ADGRE5: variants seen among roughly 807,000 people sequenced by gnomAD.
The protein encoded by ADGRE5 is CD97 molecule.
Under a neutral mutation model 100.3 loss-of-function variants are expected in ADGRE5, and 72 were observed. The observed-to-expected ratio is 0.72, with a 90% confidence interval of 0.59 to 0.87. ADGRE5 has a LOEUF of 0.87. Ranked by LOEUF, ADGRE5 falls within the 40% of genes least tolerant of loss-of-function variation. The pLI, the probability that ADGRE5 is intolerant of heterozygous loss-of-function variation, is 0.00. For missense variants in ADGRE5, 959 were observed against 1,094.7 expected, an observed-to-expected ratio of 0.88 and a Z score of 1.75; for synonymous variants, 439 against 447.8, an observed-to-expected ratio of 0.98 and a Z score of 0.25.
chr19:14,391,570 CA>C (rs59428437), intron 4 of ADGRE5: 349 of 143,996 alleles, frequency 2.4e-3, no homozygotes, highest in South Asian at 3.6e-3. Flanking sequence ...CAAAAAATAC[CA>C]AAAAAAAAAA....
chr19:14,407,831 C>CTGAGG, intron 18 of ADGRE5, 77 bp from the exon 19 acceptor site: 1 of 1,229,880 alleles, frequency 8.1e-7, no homozygotes, highest in East Asian at 2.4e-5. Flanking sequence ...GAAGGTGGGG[C>CTGAGG]TGAGGGCAGA....
chr19:14,386,918 G>A (rs1166107873), intron 1 of ADGRE5, among the ~76,000 whole-genome samples: 1 of 151,738 alleles, frequency 6.6e-6, no homozygotes, highest in Non-Finnish European at 1.5e-5. Flanking sequence ...TGGAGACTGA[G>A]GCAGAGGAAT....
chr19:14,385,936 A>AT (rs546042405), intron 1 of ADGRE5, among the ~76,000 whole-genome samples: 36 of 151,670 alleles, frequency 2.4e-4, no homozygotes, highest in Middle Eastern at 6.8e-3. Flanking sequence ...CGCCCAGCTA[A>AT]TTTTTTGTAT....
chr19:14,407,986 G>A lies in ADGRE5; in HGVS notation c.2455G>A (p.Gly819Ser), dbSNP rs1435532505. Residue 819 changes from glycine (G) to serine (S), a missense_variant, in exon 19 of 20, where the codon GGC becomes AGC. Physicochemically the swap from Gly to Ser is moderately conservative, Grantham distance 56. Around this residue, in one of 6 missense-constraint regions of ADGRE5, gnomAD observed 428 missense variants for 386.2 expected, o/e 1.11. Transcript: ENST00000242786. Reference sequence around the variant, plus strand: ...CTCAGAATTCACCTCCACCACGTCTGGCACTGGCCACAATCAGACCCGGGT... The same window carrying A: ...CTCAGAATTCACCTCCACCACGTCTAGCACTGGCCACAATCAGACCCGGGT... ...KYSEFTSTTS[G>S]TGHNQTRALR... 6.2e-7 allele frequency: 1 copy of A among 1,614,166 alleles called. No individual in the cohort carries two copies. The highest frequency in any genetic ancestry group is 8.5e-7 in the Non-Finnish European group (1 of 1,180,024).
intron 1 of ADGRE5, among the ~76,000 whole-genome samples, chr19:14,387,813 G>A (rs940309595): frequency 1.1e-4 from 17 of 151,884 alleles, no homozygotes; most frequent in African/African-American, 3.9e-4. Flanking sequence ...TGTGGCTCAC[G>A]CCTGTAATCC....
chr19:14,386,378 CAAAA>C (rs747651350), intron 1 of ADGRE5: 10 of 13,622 alleles, frequency 7.3e-4, no homozygotes, highest in South Asian at 6.2e-3. Flanking sequence ...GACTCCATCT[CAAAA>C]AAAAAAAAAA....
At chr19:14,390,833 C>A in intron 3 of ADGRE5, 91 bp from the exon 4 acceptor site, 8 of 1,479,238 alleles carry the variant, frequency 5.4e-6, no homozygotes, top group South Asian at 3.6e-5. Context: ...TACTAAGCAG[C>A]AGGCCCCATG....
chr19:14,407,160 T>G lies in ADGRE5; in HGVS notation c.2307T>G (p.Tyr769Ter). 6.2e-7 allele frequency: 1 copy of G among 1,614,156 alleles called. No homozygotes were observed. The highest frequency in any genetic ancestry group is 1.1e-5 in the South Asian group (1 of 91,090). ...ACGATCGGAGCTTGGTGCTGACCTATGTGTTTACCATCCTCAACTGCCTGC... is the reference window on the plus strand; with the variant it reads ...ACGATCGGAGCTTGGTGCTGACCTAGGTGTTTACCATCCTCAACTGCCTGC... The part of the protein sequence containing the change: ...IFDDRSLVLT[Y>*]VFTILNCLQG... Residue 769 changes from tyrosine (Y) to a stop codon, truncating the protein, a stop_gained, in exon 18 of 20, where the codon TAT (tyrosine) becomes TAG (stop). Transcript: ENST00000242786. LOFTEE classifies it high-confidence loss of function.
intron 4 of ADGRE5, among the ~76,000 whole-genome samples, chr19:14,393,729 A>G (rs1025085973): frequency 6.6e-6 from 1 of 152,102 alleles, no homozygotes; most frequent in African/African-American, 2.4e-5. Context: ...CAAGGCAGAG[A>G]TGCATATACC....
intron 5 of ADGRE5, among the ~76,000 whole-genome samples, chr19:14,396,822 T>G (rs539525134): frequency 2.0e-5 from 3 of 152,288 alleles, no homozygotes; most frequent in Admixed American, 1.3e-4. Flanking sequence ...GTCATGGAAA[T>G]CTAGCTCCCA....
At chr19:14,381,652 A>G (rs901414645) in intron 1 of ADGRE5, 107 bp downstream of exon 1, 32 of 1,319,682 alleles carry the variant, frequency 2.4e-5, no homozygotes, top group African/African-American at 1.8e-4. Flanking sequence ...GGCCTGCGAT[A>G]GAGGAAGCCA....
At chr19:14,407,022 G>T in intron 17 of ADGRE5, 39 bp from the exon 18 acceptor site, 1 of 1,613,862 alleles carries the variant, frequency 6.2e-7, no homozygotes, top group Non-Finnish European at 8.5e-7. Context: ...GAAGCTGGAG[G>T]TGAGGTGGGG....
At position 14,406,021 on chromosome 19, in the gene ADGRE5, A is replaced by T. The variant is rs1976216087; in HGVS notation, c.1821+82A>T. The T allele has an allele frequency of 7.8e-7, 1 of 1,280,254 alleles. No individual in the cohort carries two copies. The highest frequency in any genetic ancestry group is 1.5e-5 in the African/African-American group (1 of 66,526). The allele number at this position is 1,280,254 out of a possible 1,614,324, so 79.3% of individuals were successfully genotyped here. On this transcript the variant is annotated intron_variant, in intron 14 of 19. Coordinates refer to ENST00000242786, the MANE Select transcript of ADGRE5 (RefSeq NM_078481.4). This position sits in a 1 kb window ranked among gnomAD's most constrained non-coding sequence, Gnocchi z 6.0. ...TTAGCCCCGCCCACTCCCGGGGCTC[A>T]GTCGGGTAGGCGGGCCCTGGAGGCA...
rs749702711 is a variant in ADGRE5 at position 14,401,627 on chromosome 19, A to G, written c.1076-26A>G. 6.2e-7 allele frequency: 1 copy of G among 1,602,010 alleles called. No individual in the cohort carries two copies. Among genetic ancestry groups the G allele is most frequent in the Non-Finnish European group, 8.5e-7 (1 of 1,172,954 alleles). On this transcript the variant is annotated intron_variant, in intron 10 of 19. Transcript: ENST00000242786. This position sits in a 1 kb window ranked among gnomAD's most constrained non-coding sequence, Gnocchi z 4.1. Reference sequence around the variant, plus strand: ...GCCCCACCTGGTACCTGGGGTCCCTAATCACAACTGCCCCTCTCCCCTCAG... The same window carrying G: ...GCCCCACCTGGTACCTGGGGTCCCTGATCACAACTGCCCCTCTCCCCTCAG...
Position 14,401,534 on chromosome 19 carries a change from C to T in ADGRE5, c.1046C>T (p.Pro349Leu), listed in dbSNP as rs759273933. 3.1e-6 allele frequency: 5 copies of T among 1,613,986 alleles called. No individual in the cohort carries two copies. The Admixed American group carries it at 5.0e-5, about 16-fold the overall frequency. ...CTGGCCAAGAGCCTGCCTAAAGGCC[C>T]CTTCACCTACATTTCCCCTTCGAAC... ...RILAKSLPKGPFTYISPSNTE... is the reference protein window; with the variant it reads ...RILAKSLPKGLFTYISPSNTE... Residue 349 changes from proline (P) to leucine (L), a missense_variant, in exon 10 of 20, where the codon CCC (proline) becomes CTC (leucine). By Grantham distance (98) the Pro-to-Leu change is moderately conservative. Around this residue, in one of 6 missense-constraint regions of ADGRE5, gnomAD observed 246 missense variants for 242.2 expected, o/e 1.02. Transcript: ENST00000242786. The surrounding 1 kb of genome is among the most constrained non-coding windows in gnomAD (Gnocchi z 4.1).
chr19:14,406,036 C>T lies in ADGRE5; in HGVS notation c.1821+97C>T. The T allele has an allele frequency of 1.2e-5, 13 of 1,118,624 alleles. No homozygotes were observed. The highest frequency in any genetic ancestry group is 1.6e-5 in the African/African-American group (1 of 63,312). The allele number at this position is 1,118,624 out of a possible 1,614,324, so 69.3% of individuals were successfully genotyped here. ...CCCGGGGCTCAGTCGGGTAGGCGGG[C>T]CCTGGAGGCATGAGGCCCCGCCCCT... On this transcript the variant is annotated intron_variant, in intron 14 of 19. Coordinates refer to ENST00000242786, the MANE Select transcript of ADGRE5 (RefSeq NM_078481.4). The surrounding 1 kb of genome is among the most constrained non-coding windows in gnomAD (Gnocchi z 6.0).
rs1976014922 is a variant in ADGRE5 at position 14,401,617 on chromosome 19, T to C, written c.1076-36T>C. ...CCAACCCTGGGCCCCACCTGGTACC[T>C]GGGGTCCCTAATCACAACTGCCCCT... On this transcript the variant is annotated intron_variant, in intron 10 of 19. Transcript: ENST00000242786. This position sits in a 1 kb window ranked among gnomAD's most constrained non-coding sequence, Gnocchi z 4.1. The C allele has an allele frequency of 6.2e-7, 1 of 1,602,956 alleles. No homozygotes were observed. The highest frequency in any genetic ancestry group is 1.1e-5 in the South Asian group (1 of 90,112).
intron 1 of ADGRE5, 99 bp downstream of exon 1, chr19:14,381,644 C>T (rs1299412283): frequency 1.4e-6 from 2 of 1,393,122 alleles, no homozygotes; most frequent in South Asian, 1.3e-5. Flanking sequence ...GTCTGTGGGG[C>T]CTGCGATAGA....
chr19:14,403,525 T>C lies in ADGRE5; in HGVS notation c.1449+663T>C, dbSNP rs1477754084. 2.0e-5 allele frequency among the ~76,000 whole-genome samples: 3 copies of C among 152,162 alleles called. No homozygotes were observed. The East Asian group carries it at 5.8e-4, about 29-fold the overall frequency. ...GCACCACCACTCCCAGCTAATTTTT[T>C]TATTTTTGATAGAGACGGGGACCTC... On this transcript the variant is annotated intron_variant, in intron 12 of 19. Transcript: ENST00000242786.
Sources: gnomAD v4.1 joint callset for allele counts (sites outside exome capture counted in the v4.1 genomes callset) on GRCh38, gnomAD v4.1.1 for gene constraint, gnomAD v4.1.1 regional missense constraint, Gnocchi (gnomAD v3.1) non-coding constraint, MANE v1.5 for transcripts, NCBI Gene and HGNC (gene_info 2026-07-23, HGNC 2026-07-21) for gene names.